Variants in ITGA1 observed in about 807,000 individuals in gnomAD.
The protein encoded by ITGA1 is integrin alpha-1.
A neutral mutation model predicts 145.9 loss-of-function variants in ITGA1; 85 were observed. That is an observed-to-expected ratio of 0.58 (90% CI 0.49 to 0.70). The LOEUF (loss-of-function observed/expected upper bound fraction) is 0.70, where lower values mean the gene tolerates loss of function less well. ITGA1 is among the 30% of genes least tolerant of loss of function. The probability of loss-of-function intolerance (pLI) is 0.00; values close to 1 mark genes in which losing one functional copy is unlikely to be tolerated. For missense variants in ITGA1, 1,351 were observed against 1,418.7 expected (o/e 0.95, Z 0.77); for synonymous variants, 520 against 495.3 (o/e 1.05, Z -0.66).
chr5:52,798,511 G>A (rs539932888), intron 1 of ITGA1, among the ~76,000 whole-genome samples: 1 of 152,254 alleles, frequency 6.6e-6, no homozygotes, highest in African/African-American at 2.4e-5. Flanking sequence ...AAGGACGTGC[G>A]CGGGGAAGAC....
At chr5:52,894,558 A>G (rs1750198336) in intron 9 of ITGA1, among the ~76,000 whole-genome samples, 1 of 152,190 alleles carries the variant, frequency 6.6e-6, no homozygotes, top group Non-Finnish European at 1.5e-5. Flanking sequence ...TGCCAGGCAA[A>G]CTGGCAAAGC....
chr5:52,875,103 T>TC (rs1450736737), intron 6 of ITGA1, among the ~76,000 whole-genome samples: 2 of 152,172 alleles, frequency 1.3e-5, no homozygotes, highest in Admixed American at 6.5e-5. Flanking sequence ...ACCTTACTCT[T>TC]TTGCACCATT....
In ITGA1 at chr5:52,944,982, C is replaced by T; in HGVS notation, c.3325C>T (p.Leu1109Phe). ...CTTAAATCTTACTATAAGGGGAGAA[C>T]TTCGGAGTGAAAATGCATCTCTGGT... ...SSLNLTIRGELRSENASLVLS... is the reference protein window; with the variant it reads ...SSLNLTIRGEFRSENASLVLS... Residue 1109 changes from leucine (L) to phenylalanine (F), a missense_variant, in exon 27 of 29, where the codon CTT becomes TTT. Physicochemically the swap from Leu to Phe is conservative, Grantham distance 22 (BLOSUM62 0). Coordinates refer to ENST00000282588, the MANE Select transcript of ITGA1 (RefSeq NM_181501.2). The T allele has an allele frequency of 6.2e-7, 1 of 1,613,260 alleles. No individual in the cohort carries two copies. Among genetic ancestry groups the T allele is most frequent in the African/African-American group, 1.3e-5 (1 of 75,000 alleles).
chr5:52,836,762 T>C (rs1356325849), intron 1 of ITGA1, among the ~76,000 whole-genome samples: 1 of 152,122 alleles, frequency 6.6e-6, no homozygotes, highest in Non-Finnish European at 1.5e-5. Context: ...ATTTTGTGCA[T>C]TTTTTGCTTC....
intron 7 of ITGA1, among the ~76,000 whole-genome samples, chr5:52,882,329 A>AT (rs1299037698): frequency 1.3e-5 from 2 of 151,968 alleles, no homozygotes; most frequent in Non-Finnish European, 2.9e-5. Flanking sequence ...TGTTTCATTT[A>AT]TTTTTTGTTT....
chr5:52,943,181 C>T (rs747324561), intron 26 of ITGA1, among the ~76,000 whole-genome samples: 1 of 152,170 alleles, frequency 6.6e-6, no homozygotes, highest in Non-Finnish European at 1.5e-5. Flanking sequence ...CAGCTTTTGC[C>T]CATTCAGTAT....
At chr5:52,888,178 A>G (rs527641214) in intron 8 of ITGA1, among the ~76,000 whole-genome samples, 1 of 152,030 alleles carries the variant, frequency 6.6e-6, no homozygotes, top group East Asian at 1.9e-4. Context: ...TCAACAAACA[A>G]TCATTGAAAG....
intron 7 of ITGA1, among the ~76,000 whole-genome samples, chr5:52,886,000 A>G (rs535809476): frequency 1.8e-4 from 28 of 152,318 alleles, no homozygotes; most frequent in African/African-American, 6.7e-4. Flanking sequence ...GGAACAGCGT[A>G]ATAAGATTTA....
At chr5:52,838,391 G>C (rs1334502548) in intron 1 of ITGA1, among the ~76,000 whole-genome samples, 1 of 152,080 alleles carries the variant, frequency 6.6e-6, no homozygotes, top group Admixed American at 6.6e-5. Flanking sequence ...TTTTTAATAG[G>C]TTTTTGGTTT....
intron 14 of ITGA1, 87 bp from the exon 15 acceptor site, chr5:52,915,377 G>C: frequency 7.1e-7 from 1 of 1,411,898 alleles, no homozygotes; most frequent in Non-Finnish European, 9.8e-7. Flanking sequence ...TGATTATTTT[G>C]TTAAACAATT....
chr5:52,941,834 G>GCAAAATTCTTTGCCAAAA (rs1444699312), intron 26 of ITGA1, among the ~76,000 whole-genome samples: 3 of 152,090 alleles, frequency 2.0e-5, no homozygotes, highest in Admixed American at 2.0e-4. Context: ...TAGAGACTTA[G>GCAAAATTCTTTGCCAAAA]CCAAAAATTA....
intron 22 of ITGA1, chr5:52,932,790 T>G (rs1247144589): frequency 2.0e-5 from 3 of 152,186 alleles, no homozygotes; most frequent in African/African-American, 7.2e-5. Flanking sequence ...TTTATTAATT[T>G]TTTAATAATA....
chr5:52,830,347 G>A (rs1411768646), intron 1 of ITGA1, among the ~76,000 whole-genome samples: 2 of 151,920 alleles, frequency 1.3e-5, no homozygotes, highest in Non-Finnish European at 2.9e-5. Flanking sequence ...TTCTCAAATT[G>A]TTCCCACTAC....
intron 2 of ITGA1, among the ~76,000 whole-genome samples, chr5:52,856,463 T>G (rs762400216): frequency 3.9e-5 from 6 of 152,156 alleles, no homozygotes; most frequent in Non-Finnish European, 5.9e-5. Context: ...GAAAGGACTT[T>G]GAGGGCCTAA....
chr5:52,813,616 C>A lies in ITGA1; in HGVS notation c.61+25202C>A, dbSNP rs372088007. On this transcript the variant is annotated intron_variant, in intron 1 of 28. Transcript: ENST00000282588. ...ATAGCCACCCCCAGACAACCATCAC[C>A]AATACACTGGGGCTTCTGAGAGACT... is the stretch of plus-strand genomic sequence containing the variant. 1.7e-4 allele frequency among the ~76,000 whole-genome samples: 26 copies of A among 152,248 alleles called. No individual in the cohort carries two copies. The East Asian group carries it at 2.1e-3, about 12-fold the overall frequency.
At chr5:52,790,499 T>C (rs2111638025) in intron 1 of ITGA1, among the ~76,000 whole-genome samples, 1 of 152,346 alleles carries the variant, frequency 6.6e-6, no homozygotes, top group South Asian at 2.1e-4. Context: ...CTGGAGGTTC[T>C]AGGGGAAAAT....
In ITGA1 at chr5:52,864,809, A is replaced by C; in HGVS notation, c.342A>C (p.Thr114=). ...PNVTEVKENM[T]FGSTLVTNPN... is the part of the protein sequence containing the mutation. ...TCACAGAAGTAAAGGAGAACATGAC[A>C]TTTGGATCAACTTTAGTCACCAACC... Residue 114 remains threonine, a synonymous_variant, in exon 4 of 29, where the codon ACA becomes ACC. Transcript: ENST00000282588. 2.5e-6 allele frequency: 4 copies of C among 1,613,036 alleles called. No homozygotes were observed. The highest frequency in any genetic ancestry group is 3.4e-6 in the Non-Finnish European group (4 of 1,179,220).
chr5:52,845,979 C>T (rs574281397), intron 1 of ITGA1, among the ~76,000 whole-genome samples: 3 of 152,164 alleles, frequency 2.0e-5, no homozygotes, highest in South Asian at 2.1e-4. Context: ...TATCATTGTG[C>T]GAATATCATA....
chr5:52,933,985 A>G lies in ITGA1; in HGVS notation c.2953A>G (p.Ile985Val), dbSNP rs150350003. The change falls in exon 23 of 29, where the codon ATC becomes GTC. Residue 985 changes from isoleucine to valine, a missense_variant. Coordinates refer to ENST00000282588, the MANE Select transcript of ITGA1 (RefSeq NM_181501.2). ...STEDIGNEIN[I>V]FYLIRKSGSF... ...TGAGGACATTGGAAATGAAATTAAT[A>G]TCTTCTACTTGGTAAGAAATTACCT... 6 of 1,414,940 alleles carry G rather than the reference A, an allele frequency of 4.2e-6. No individual in the cohort carries two copies. In the African/African-American group the frequency reaches 7.1e-5, roughly 17 times the overall value. 87.6% of individuals were successfully genotyped at this position (1,414,940 alleles called of 1,614,324 possible).
Sources: gnomAD v4.1 joint callset for allele counts (sites outside exome capture counted in the v4.1 genomes callset) on GRCh38, gnomAD v4.1.1 for gene constraint, MANE v1.5 for transcripts, NCBI Gene and HGNC (gene_info 2026-07-23, HGNC 2026-07-21) for gene names.